Variants in VDAC1 observed in about 807,000 individuals in gnomAD.
The protein encoded by VDAC1 is non-selective voltage-gated ion channel VDAC1.
Under a neutral mutation model 34.7 loss-of-function variants are expected in VDAC1, and 10 were observed. The observed-to-expected ratio is 0.29, with a 90% confidence interval of 0.18 to 0.49. The LOEUF (loss-of-function observed/expected upper bound fraction) is 0.49, where lower values mean the gene tolerates loss of function less well. Among genes scored for constraint, VDAC1 ranks in the 20% least tolerant of loss-of-function variants. The probability of loss-of-function intolerance (pLI) is 0.99; values close to 1 mark genes in which losing one functional copy is unlikely to be tolerated. For missense variants in VDAC1, 230 were observed against 347.9 expected (o/e 0.66, Z 2.69); for synonymous variants, 130 against 136.0 (o/e 0.96, Z 0.30).
intron 3 of VDAC1, 56 bp downstream of exon 3, chr5:133,992,245 ATAAAT>A: frequency 2.4e-6 from 3 of 1,230,398 alleles, no homozygotes; most frequent in African/African-American, 3.2e-5. Flanking sequence ...TCAAAAATAA[ATAAAT>A]AAAATAAAAT....
intron 6 of VDAC1, among the ~76,000 whole-genome samples, chr5:133,979,936 T>A (rs1752630084): frequency 1.3e-5 from 2 of 152,310 alleles, no homozygotes; most frequent in South Asian, 4.1e-4. Flanking sequence ...TGTAACAGAT[T>A]CCAAATTAAT....
At chr5:134,017,113 C>G in the VDAC1 span, among the ~76,000 whole-genome samples, 1 of 152,212 alleles carries the variant, frequency 6.6e-6, no homozygotes, top group African/African-American at 2.4e-5. Flanking sequence ...AGATTCTTTT[C>G]TCCTCTCTTT....
the VDAC1 span, among the ~76,000 whole-genome samples, chr5:134,078,423 CAA>C: frequency 2.0e-3 from 303 of 152,216 alleles, no homozygotes; most frequent in African/African-American, 7.0e-3. Flanking sequence ...GAGCACTACA[CAA>C]GGCCCAGGAG....
chr5:133,972,407 A>C lies in VDAC1; in HGVS notation c.*364T>G, dbSNP rs1752329839. 9.4e-6 allele frequency: 4 copies of C among 423,472 alleles called. No individual in the cohort carries two copies. Among genetic ancestry groups the C allele is most frequent in the Non-Finnish European group, 1.7e-5 (4 of 241,426 alleles). The allele number at this position is 423,472 out of a possible 1,614,324, so 26.2% of individuals were successfully genotyped here. On this transcript the variant is annotated 3_prime_UTR_variant, in exon 9 of 9. Coordinates refer to ENST00000265333, the MANE Select transcript of VDAC1 (RefSeq NM_003374.3). ...AGCGAGCCTCTCATCAATTAGGGTT[A>C]GGGAACCAAGGTTCGATTCTCAGGA...
chr5:134,001,698 C>A, intron 1 of VDAC1, among the ~76,000 whole-genome samples: 1 of 121,948 alleles, frequency 8.2e-6, no homozygotes, highest in African/African-American at 3.2e-5. Context: ...GCCTGGGCAA[C>A]AGAGTGAGAC....
the VDAC1 span, among the ~76,000 whole-genome samples, chr5:134,046,571 A>G: frequency 2.2e-4 from 34 of 152,206 alleles, no homozygotes; most frequent in African/African-American, 8.2e-4. Flanking sequence ...GGATGTGGAC[A>G]TCTTGGGGCA....
the VDAC1 span, among the ~76,000 whole-genome samples, chr5:134,042,482 T>G: frequency 5.8e-3 from 884 of 152,240 alleles, 7 homozygotes; most frequent in African/African-American, 0.019. Context: ...GGGCATTTTT[T>G]GGTTTTGTTT....
the VDAC1 span, among the ~76,000 whole-genome samples, chr5:134,067,678 A>AGGAGAGGGGGAGGGAGAG: frequency 2.3e-5 from 2 of 87,054 alleles, no homozygotes; most frequent in East Asian, 6.5e-4. Flanking sequence ...AGGGCGAGGG[A>AGGAGAGGGGGAGGGAGAG]GGAGAGGGGG....
the VDAC1 span, among the ~76,000 whole-genome samples, chr5:134,108,557 G>A: frequency 6.6e-6 from 1 of 152,176 alleles, no homozygotes; most frequent in Non-Finnish European, 1.5e-5. Flanking sequence ...TGGAATAAGA[G>A]GGTGAGCTTT....
At chr5:134,006,404 G>A (rs1753751372), upstream of VDAC1, among the ~76,000 whole-genome samples, 1 of 152,098 alleles carries the variant, frequency 6.6e-6, no homozygotes, top group Non-Finnish European at 1.5e-5. Context: ...AGCAAATGTC[G>A]AAGGGCTTCC....
chr5:134,070,109 C>G, the VDAC1 span, among the ~76,000 whole-genome samples: 1 of 152,038 alleles, frequency 6.6e-6, no homozygotes, highest in Non-Finnish European at 1.5e-5. Context: ...GCCCTCTGCT[C>G]TGTCTGTGAA....
At chr5:134,071,226 G>A in the VDAC1 span, among the ~76,000 whole-genome samples, 1 of 152,254 alleles carries the variant, frequency 6.6e-6, no homozygotes, top group Non-Finnish European at 1.5e-5. The surrounding 1 kb of genome is among the most constrained non-coding windows in gnomAD (Gnocchi z 4.1). Context: ...CCCTTCCCTT[G>A]GAAGGCGCTC....
the VDAC1 span, among the ~76,000 whole-genome samples, chr5:134,048,094 A>G: frequency 6.6e-6 from 1 of 151,898 alleles, no homozygotes; most frequent in Admixed American, 6.6e-5. Flanking sequence ...CAGCCTCCCA[A>G]GTAGCTGGGA....
chr5:134,058,539 T>G, the VDAC1 span, among the ~76,000 whole-genome samples: 1 of 151,966 alleles, frequency 6.6e-6, no homozygotes, highest in African/African-American at 2.4e-5. Flanking sequence ...ACGGTCTCAA[T>G]CTCCTGACCT....
the VDAC1 span, among the ~76,000 whole-genome samples, chr5:134,097,995 G>A: frequency 6.6e-5 from 10 of 151,796 alleles, no homozygotes; most frequent in African/African-American, 1.9e-4. Flanking sequence ...GCAACTTCCC[G>A]AGTAGCTGGG....
At chr5:134,024,987 C>A in the VDAC1 span, among the ~76,000 whole-genome samples, 3 of 152,246 alleles carry the variant, frequency 2.0e-5, no homozygotes, top group African/African-American at 7.2e-5. Flanking sequence ...ATGCATGGCC[C>A]CAGCCAACAC....
At chr5:134,013,762 G>A in the VDAC1 span, among the ~76,000 whole-genome samples, 3 of 151,654 alleles carry the variant, frequency 2.0e-5, no homozygotes, top group Non-Finnish European at 4.4e-5. Flanking sequence ...GGCCAACATG[G>A]TGAAACCCCA....
intron 1 of VDAC1, among the ~76,000 whole-genome samples, chr5:133,995,590 A>T (rs1173689589): frequency 1.3e-5 from 2 of 151,918 alleles, no homozygotes; most frequent in African/African-American, 4.8e-5. Context: ...CCTTTCACTA[A>T]AGGCCCCCAA....
chr5:134,081,194 A>G, the VDAC1 span, among the ~76,000 whole-genome samples: 1 of 152,066 alleles, frequency 6.6e-6, no homozygotes, highest in Admixed American at 6.6e-5. Context: ...TGCGCCACCA[A>G]ACACGGCTAA....
Sources: gnomAD v4.1 joint callset for allele counts (sites outside exome capture counted in the v4.1 genomes callset) on GRCh38, gnomAD v4.1.1 for gene constraint, Gnocchi (gnomAD v3.1) non-coding constraint, MANE v1.5 for transcripts, NCBI Gene and HGNC (gene_info 2026-07-23, HGNC 2026-07-21) for gene names.